Variants in ADSS1 observed in about 807,000 individuals in gnomAD.
The protein encoded by ADSS1 is adenylosuccinate synthetase isozyme 1.
ADSS1 carries 57 observed loss-of-function variants against 59.1 expected under a neutral mutation model. That is an observed-to-expected ratio of 0.97 (90% CI 0.78 to 1.20). The LOEUF is 1.20. Ranked by LOEUF, ADSS1 falls within the 50% of genes most tolerant of loss-of-function variation. The pLI, the probability that ADSS1 is intolerant of heterozygous loss-of-function variation, is 0.00. For missense variants in ADSS1, 603 were observed against 610.3 expected (o/e 0.99, Z 0.13); for synonymous variants, 247 against 249.4 (o/e 0.99, Z 0.09).
chr14:104,740,467 T>A lies in ADSS1; in HGVS notation c.477-134T>A, dbSNP rs1042881861. ...TGCGTACACCCACACACGCACACAC[T>A]CACAGCTCAGCCAGACACAGGCAGC... On this transcript the variant is annotated intron_variant, in intron 5 of 12. Transcript: ENST00000330877. This position sits in a 1 kb window ranked among gnomAD's most constrained non-coding sequence, Gnocchi z 4.8. 3.9e-6 allele frequency: 3 copies of A among 768,522 alleles called. No homozygotes were observed. Among genetic ancestry groups the A allele is most frequent in the Non-Finnish European group, 6.5e-6 (3 of 459,210 alleles). 47.6% of individuals were successfully genotyped at this position (768,522 alleles called of 1,614,324 possible). A position where few individuals can be genotyped will look rare whatever the true frequency, so the allele number is the denominator to read the frequency against.
In ADSS1 at chr14:104,740,324, G is replaced by A. The variant is rs527902781; in HGVS notation, c.477-277G>A. ...CGCACAGTTATGCACATGTGCACAC[G>A]CCACACAAGCCCACACACCCACGCA... On this transcript the variant is annotated intron_variant, in intron 5 of 12. Transcript: ENST00000330877. This position sits in a 1 kb window ranked among gnomAD's most constrained non-coding sequence, Gnocchi z 4.8. Among the ~76,000 whole-genome samples, 4 of 151,816 alleles carry A rather than the reference G, an allele frequency of 2.6e-5. No individual in the cohort carries two copies. Among genetic ancestry groups the A allele is most frequent in the Admixed American group, 2.0e-4 (3 of 15,242 alleles).
intron 1 of ADSS1, among the ~76,000 whole-genome samples, chr14:104,734,268 A>G (rs915745490): frequency 6.6e-6 from 1 of 152,126 alleles, no homozygotes. Context: ...CACCCACTGG[A>G]CCTGTGCCCT....
intron 1 of ADSS1, among the ~76,000 whole-genome samples, chr14:104,732,834 A>G (rs532342646): frequency 7.2e-5 from 11 of 152,342 alleles, no homozygotes; most frequent in Admixed American, 7.2e-4. Flanking sequence ...AGTCGTGGGC[A>G]TGAAGGTACT....
At chr14:104,724,604 C>A in intron 1 of ADSS1, 142 bp downstream of exon 1, 1 of 1,109,364 alleles carries the variant, frequency 9.0e-7, no homozygotes, top group Non-Finnish European at 1.1e-6. Flanking sequence ...TTCCCAGGGC[C>A]ACCCCACCCA....
At chr14:104,735,618 G>A (rs866890338) in intron 2 of ADSS1, among the ~76,000 whole-genome samples, 2 of 152,196 alleles carry the variant, frequency 1.3e-5, no homozygotes, top group Admixed American at 6.5e-5. Context: ...CTGTGGCCAC[G>A]TGGCAGGCCT....
intron 1 of ADSS1, among the ~76,000 whole-genome samples, chr14:104,724,842 G>A (rs1441757866): frequency 6.6e-6 from 1 of 152,178 alleles, no homozygotes; most frequent in African/African-American, 2.4e-5. Context: ...GGACCCCCAA[G>A]ACACCCCCCT....
At chr14:104,733,674 CAAGTT>C (rs1891013992) in intron 1 of ADSS1, among the ~76,000 whole-genome samples, 1 of 152,132 alleles carries the variant, frequency 6.6e-6, no homozygotes, top group South Asian at 2.1e-4. Context: ...CATGCGTAGA[CAAGTT>C]GAGGGCTTTT....
intron 1 of ADSS1, among the ~76,000 whole-genome samples, chr14:104,733,173 C>T (rs1206588911): frequency 6.6e-6 from 1 of 152,156 alleles, no homozygotes; most frequent in Non-Finnish European, 1.5e-5. Flanking sequence ...ACCAGGCTTC[C>T]TGCATCTCTC....
intron 11 of ADSS1, 50 bp from the exon 12 acceptor site, chr14:104,746,186 G>A (rs1035406127): frequency 1.3e-6 from 2 of 1,556,480 alleles, no homozygotes; most frequent in African/African-American, 2.7e-5. Flanking sequence ...CCGCTTCCCT[G>A]GTGATAGGAG....
At chr14:104,736,653 G>A (rs980571801) in intron 2 of ADSS1, among the ~76,000 whole-genome samples, 9 of 152,088 alleles carry the variant, frequency 5.9e-5, no homozygotes, top group Non-Finnish European at 1.3e-4. Flanking sequence ...GAGGCAGCAG[G>A]GGTTTCTGAA....
In ADSS1 at chr14:104,739,331, TGAAGGACTGGGA is replaced by T; in HGVS notation, c.367_378del (p.Asp123_Lys126del). 1 of 1,608,566 alleles carries T rather than the reference TGAAGGACTGGGA, an allele frequency of 6.2e-7. No individual in the cohort carries two copies. Among genetic ancestry groups the T allele is most frequent in the Non-Finnish European group, 8.5e-7 (1 of 1,177,772 alleles). On this transcript the variant is annotated inframe_deletion, in exon 4 of 13. Transcript: ENST00000330877. ...CCTGTGTGCCGTGTCCCCGCAGGCC[TGAAGGACTGGGA>T]GAAGAGGCTCATCATCTCTGACAGA...
At chr14:104,732,090 C>T (rs1324925031) in intron 1 of ADSS1, among the ~76,000 whole-genome samples, 1 of 152,218 alleles carries the variant, frequency 6.6e-6, no homozygotes, top group Non-Finnish European at 1.5e-5. Flanking sequence ...GGTCCTGGTG[C>T]TTCTCCAGGA....
chr14:104,741,316 G>A, intron 8 of ADSS1, 73 bp downstream of exon 8: 4 of 1,496,680 alleles, frequency 2.7e-6, no homozygotes, highest in Non-Finnish European at 3.6e-6. Flanking sequence ...GGAGAGCCGT[G>A]GGAACCGATG....
chr14:104,743,030 CG>C, intron 9 of ADSS1, 36 bp from the exon 10 acceptor site: 1 of 1,610,744 alleles, frequency 6.2e-7, no homozygotes, highest in Non-Finnish European at 8.5e-7. Flanking sequence ...AAGGCTCCCA[CG>C]ACAGCTCACA....
At chr14:104,743,708 G>A (rs1027826102) in intron 10 of ADSS1, among the ~76,000 whole-genome samples, 12 of 152,210 alleles carry the variant, frequency 7.9e-5, no homozygotes, top group South Asian at 4.1e-4. Flanking sequence ...GCTGTGAGTC[G>A]CACATCTTTC....
At position 104,735,232 on chromosome 14, in the gene ADSS1, G is replaced by A. The variant is rs1253553433; in HGVS notation, c.295+110G>A. ...CCAGAGCCTGGTGATGACTGCTCTA[G>A]CAGTAGGCTGGACCCCAGCCTCCAC... On this transcript the variant is annotated intron_variant, in intron 2 of 12. Coordinates refer to ENST00000330877, the MANE Select transcript of ADSS1 (RefSeq NM_152328.5). The A allele has an allele frequency of 3.9e-6, 4 of 1,014,308 alleles. No individual in the cohort carries two copies. In the South Asian group the frequency reaches 4.6e-5, roughly 12 times the overall value. 62.8% of individuals were successfully genotyped at this position (1,014,308 alleles called of 1,614,324 possible).
Position 104,734,815 on chromosome 14 carries a change from G to A in ADSS1, c.193-205G>A, listed in dbSNP as rs76701408. Among the ~76,000 whole-genome samples the A allele has an allele frequency of 2.8e-4, 43 of 152,324 alleles. 1 individual carries two copies. In the East Asian group the frequency reaches 7.3e-3, roughly 26 times the overall value. On this transcript the variant is annotated intron_variant, in intron 1 of 12. Transcript: ENST00000330877. ...CAGACCCTCCCCGACCCAGGCCCCT[G>A]ACCAAACTGCTGCCCTCCTTCCAAG... is the stretch of plus-strand genomic sequence containing the variant.
Position 104,741,189 on chromosome 14 carries a change from C to A in ADSS1, c.739C>A (p.Pro247Thr). The A allele has an allele frequency of 1.2e-6, 2 of 1,612,030 alleles. No homozygotes were observed. Among genetic ancestry groups the A allele is most frequent in the Non-Finnish European group, 1.7e-6 (2 of 1,179,046 alleles). ...TATGTATGAGGCACTCCACGGCCCCCCCAAGAAGATCCTGGTGGAGGGTGC... is the reference window on the plus strand; with the variant it reads ...TATGTATGAGGCACTCCACGGCCCCACCAAGAAGATCCTGGTGGAGGGTGC... ...YFMYEALHGP[P>T]KKILVEGANA... The change falls in exon 8 of 13, where the codon CCC (proline) becomes ACC (threonine). Residue 247 changes from proline to threonine, a missense_variant. Transcript: ENST00000330877.
Position 104,724,451 on chromosome 14 carries a change from A to G in ADSS1, c.181A>G (p.Ser61Gly), listed in dbSNP as rs1363248623. The change falls in exon 1 of 13, where the codon AGC becomes GGC. Residue 61 changes from serine to glycine, a missense_variant. By Grantham distance (56) the Ser-to-Gly change is moderately conservative. Coordinates refer to ENST00000330877, the MANE Select transcript of ADSS1 (RefSeq NM_152328.5). The part of the protein sequence containing the change: ...DLLATDADII[S>G]RCQGGNNAGH... ...GCTGGCCACGGACGCCGACATCATC[A>G]GCCGCTGCCAGGTGCGGGCTGGGGC... 2 of 1,251,876 alleles carry G rather than the reference A, an allele frequency of 1.6e-6. No homozygotes were observed. The highest frequency in any genetic ancestry group is 4.0e-5 in the Admixed American group (1 of 24,962). 77.5% of individuals were successfully genotyped at this position (1,251,876 alleles called of 1,614,324 possible).
Sources: gnomAD v4.1 joint callset for allele counts (sites outside exome capture counted in the v4.1 genomes callset) on GRCh38, gnomAD v4.1.1 for gene constraint, Gnocchi (gnomAD v3.1) non-coding constraint, MANE v1.5 for transcripts, NCBI Gene and HGNC (gene_info 2026-07-23, HGNC 2026-07-21) for gene names.